Variants in GLIS3 observed in about 807,000 individuals in gnomAD.
The protein encoded by GLIS3 is zinc finger protein GLIS3.
In GLIS3, 53 loss-of-function variants were observed where a neutral mutation model predicts 78.6. That is an observed-to-expected ratio of 0.67 (90% CI 0.54 to 0.85). The LOEUF (loss-of-function observed/expected upper bound fraction) is 0.85, where lower values mean the gene tolerates loss of function less well. GLIS3 is among the 40% of genes least tolerant of loss of function. GLIS3 has a pLI of 0.00. For missense variants in GLIS3, 1,703 were observed against 1,231.1 expected (o/e 1.38, Z -5.74); for synonymous variants, 684 against 509.9 (o/e 1.34, Z -4.60).
intron 2 of GLIS3, among the ~76,000 whole-genome samples, chr9:4,216,797 C>A (rs1172224972): frequency 6.6e-6 from 1 of 152,150 alleles, no homozygotes; most frequent in Non-Finnish European, 1.5e-5. Context: ...ACCTGAAGAA[C>A]AGGATGTGGG....
At chr9:4,121,960 A>G (rs1049005314) in intron 3 of GLIS3, among the ~76,000 whole-genome samples, 8 of 152,272 alleles carry the variant, frequency 5.3e-5, no homozygotes, top group South Asian at 2.1e-4. Context: ...TGACAGCTGT[A>G]TCATTATTTG....
At chr9:4,189,791 G>C (rs1252324655) in intron 2 of GLIS3, among the ~76,000 whole-genome samples, 1 of 151,958 alleles carries the variant, frequency 6.6e-6, no homozygotes, top group Non-Finnish European at 1.5e-5. Flanking sequence ...TTTAAAGTCT[G>C]TTTTATCAGA....
chr9:3,916,856 C>T (rs573137830), intron 6 of GLIS3, among the ~76,000 whole-genome samples: 1 of 152,168 alleles, frequency 6.6e-6, no homozygotes, highest in South Asian at 2.1e-4. Context: ...AAAGCAGGTA[C>T]AAATTTTTAA....
chr9:4,331,524 T>C (rs967511550), intron 2 of GLIS3, among the ~76,000 whole-genome samples: 1 of 152,168 alleles, frequency 6.6e-6, no homozygotes, highest in African/African-American at 2.4e-5. Flanking sequence ...CTCATGACAC[T>C]GATTGGTCCG....
chr9:3,867,524 T>A (rs1342055817), intron 8 of GLIS3, among the ~76,000 whole-genome samples: 1 of 152,220 alleles, frequency 6.6e-6, no homozygotes, highest in Non-Finnish European at 1.5e-5. Flanking sequence ...TACCCTGGAA[T>A]AAACATTGAG....
At chr9:3,900,084 G>T (rs973592513) in intron 6 of GLIS3, among the ~76,000 whole-genome samples, 2 of 151,934 alleles carry the variant, frequency 1.3e-5, no homozygotes, top group Admixed American at 6.6e-5. Context: ...GTGAGCCTGG[G>T]GCCTGGGGAA....
At chr9:4,425,719 T>C in the GLIS3 span, among the ~76,000 whole-genome samples, 1 of 152,222 alleles carries the variant, frequency 6.6e-6, no homozygotes, top group Non-Finnish European at 1.5e-5. Flanking sequence ...TCACATGAGA[T>C]GTGCCTTTAC....
At position 4,214,044 on chromosome 9, in the gene GLIS3, A is replaced by T. The variant is rs186111903; in HGVS notation, c.388+71994T>A. ...GTTAAGAGATAGTGCTGGAGTGAGT[A>T]TGTGTAGTCTTAGTGACACCTCATC... On this transcript the variant is annotated intron_variant, in intron 2 of 10. Coordinates refer to ENST00000381971, the MANE Select transcript of GLIS3 (RefSeq NM_001042413.2). Among the ~76,000 whole-genome samples, 652 of 152,278 alleles carry T rather than the reference A, an allele frequency of 4.3e-3. 8 individuals carry two copies. The highest frequency in any genetic ancestry group is 0.015 in the African/African-American group (612 of 41,566).
intron 2 of GLIS3, among the ~76,000 whole-genome samples, chr9:4,221,986 G>C: frequency 6.6e-6 from 1 of 152,200 alleles, no homozygotes; most frequent in Non-Finnish European, 1.5e-5. Context: ...TCAGCTGCCT[G>C]TGCACAGAAC....
At chr9:4,089,675 C>T (rs971423985) in intron 4 of GLIS3, among the ~76,000 whole-genome samples, 2 of 151,924 alleles carry the variant, frequency 1.3e-5, no homozygotes, top group African/African-American at 4.8e-5. Context: ...TTTAATTAGC[C>T]AGGCATGGTG....
chr9:4,484,404 ATTTTTTTTTT>A, the GLIS3 span, among the ~76,000 whole-genome samples: 78 of 49,774 alleles, frequency 1.6e-3, 2 homozygotes, highest in South Asian at 0.061. Flanking sequence ...TGCCAGGCTA[ATTTTTTTTTT>A]TTTTTTTTTT....
chr9:4,160,856 T>G (rs958492254), intron 2 of GLIS3, among the ~76,000 whole-genome samples: 13 of 152,202 alleles, frequency 8.5e-5, no homozygotes, highest in African/African-American at 3.1e-4. Flanking sequence ...GGTAGTCACC[T>G]GTCTCAATAC....
intron 4 of GLIS3, among the ~76,000 whole-genome samples, chr9:3,966,203 A>G (rs1318870196): frequency 6.6e-6 from 1 of 152,200 alleles, no homozygotes; most frequent in African/African-American, 2.4e-5. Flanking sequence ...AATGCTCACT[A>G]TATAACTGTT....
intron 2 of GLIS3, among the ~76,000 whole-genome samples, chr9:4,243,698 A>G (rs1823540422): frequency 6.6e-6 from 1 of 152,208 alleles, no homozygotes; most frequent in Non-Finnish European, 1.5e-5. Context: ...GAAAATCAAA[A>G]TGCCTCCCTG....
intron 1 of GLIS3, among the ~76,000 whole-genome samples, chr9:4,294,145 T>C (rs1325103659): frequency 6.6e-6 from 1 of 152,194 alleles, no homozygotes; most frequent in East Asian, 1.9e-4. Context: ...TCCTTGATCC[T>C]TTTTTAGTCT....
chr9:4,009,395 C>T (rs898642512), intron 4 of GLIS3, among the ~76,000 whole-genome samples: 6 of 152,172 alleles, frequency 3.9e-5, no homozygotes, highest in South Asian at 2.1e-4. Flanking sequence ...GTGTAACAGG[C>T]GCCAGCTGCC....
At chr9:3,869,836 G>T (rs1434316325) in intron 8 of GLIS3, among the ~76,000 whole-genome samples, 8 of 152,122 alleles carry the variant, frequency 5.3e-5, no homozygotes, top group Admixed American at 5.2e-4. Flanking sequence ...GAGACATCTG[G>T]TAAATAGCAT....
At chr9:3,872,112 C>G (rs1216952493) in intron 8 of GLIS3, among the ~76,000 whole-genome samples, 1 of 152,210 alleles carries the variant, frequency 6.6e-6, no homozygotes, top group East Asian at 1.9e-4. Flanking sequence ...TAAAACGTAA[C>G]AAGAGTCACC....
intron 2 of GLIS3, among the ~76,000 whole-genome samples, chr9:4,211,560 C>T (rs1204887767): frequency 1.3e-5 from 2 of 152,200 alleles, no homozygotes; most frequent in East Asian, 1.9e-4. Flanking sequence ...TAAGGGCTGC[C>T]GCATGCATTC....
Sources: gnomAD v4.1 joint callset for allele counts (sites outside exome capture counted in the v4.1 genomes callset) on GRCh38, gnomAD v4.1.1 for gene constraint, MANE v1.5 for transcripts, NCBI Gene and HGNC (gene_info 2026-07-23, HGNC 2026-07-21) for gene names.